SRGAP1: variants seen among roughly 807,000 people sequenced by gnomAD.
SRGAP1 encodes the protein SLIT-ROBO Rho GTPase-activating protein 1.
In SRGAP1, 43 loss-of-function variants were observed where a neutral mutation model predicts 121.9. The ratio of observed to expected loss-of-function variants is 0.35; its 90% CI spans 0.28 to 0.46. The LOEUF is 0.46. Ranked by LOEUF, SRGAP1 falls within the 20% of genes least tolerant of loss-of-function variation. The probability of loss-of-function intolerance (pLI) is 1.00; values close to 1 mark genes in which losing one functional copy is unlikely to be tolerated. For synonymous variants in SRGAP1, 447 were observed against 485.4 expected, an observed-to-expected ratio of 0.92 and a Z score of 1.04; for missense variants, 1,102 against 1,350.9, an observed-to-expected ratio of 0.82 and a Z score of 2.89.
intron 3 of SRGAP1, among the ~76,000 whole-genome samples, chr12:64,015,133 C>G (rs771840830): frequency 6.6e-6 from 1 of 152,118 alleles, no homozygotes; most frequent in Non-Finnish European, 1.5e-5. Context: ...TCTTTTTAGA[C>G]TTGCTACCTG....
chr12:64,095,114 C>A lies in SRGAP1; in HGVS notation c.1601-13C>A. On this transcript the variant is annotated splice_polypyrimidine_tract_variant and intron_variant, in intron 13 of 21. Coordinates refer to ENST00000355086, the MANE Select transcript of SRGAP1 (RefSeq NM_020762.4). The stretch of plus-strand genomic sequence containing the variant: ...ATGGGGGTTTTATCCTCTTTCCCTT[C>A]TTTTCTCTTTAGGTCTTCAGCATCA... 1 of 1,613,808 alleles carries A rather than the reference C, an allele frequency of 6.2e-7. No homozygotes were observed. Among genetic ancestry groups the A allele is most frequent in the Non-Finnish European group, 8.5e-7 (1 of 1,179,804 alleles).
At chr12:64,019,041 A>G (rs1325958936) in intron 4 of SRGAP1, among the ~76,000 whole-genome samples, 1 of 152,146 alleles carries the variant, frequency 6.6e-6, no homozygotes, top group Non-Finnish European at 1.5e-5. Context: ...TAATACCTTA[A>G]AAAAATAAGT....
At chr12:63,908,969 C>T (rs1451056819) in intron 1 of SRGAP1, among the ~76,000 whole-genome samples, 1 of 152,016 alleles carries the variant, frequency 6.6e-6, no homozygotes, top group Non-Finnish European at 1.5e-5. Flanking sequence ...TGGCTCACTC[C>T]AACCTCTGCC....
At chr12:63,964,976 A>C (rs1448949285) in intron 1 of SRGAP1, among the ~76,000 whole-genome samples, 1 of 152,232 alleles carries the variant, frequency 6.6e-6, no homozygotes, top group Admixed American at 6.5e-5. Flanking sequence ...CGGGGAAAAA[A>C]TACGAGCTTT....
intron 1 of SRGAP1, among the ~76,000 whole-genome samples, chr12:63,860,404 A>G (rs924402509): frequency 3.9e-5 from 6 of 152,158 alleles, no homozygotes; most frequent in African/African-American, 1.4e-4. Flanking sequence ...AGTGTTTGAA[A>G]TTAGTTGGAG....
At chr12:63,930,130 A>G (rs1325453923) in intron 1 of SRGAP1, among the ~76,000 whole-genome samples, 1 of 152,156 alleles carries the variant, frequency 6.6e-6, no homozygotes, top group Non-Finnish European at 1.5e-5. Flanking sequence ...CCATTTTCCT[A>G]AGAATTACTG....
At chr12:63,940,498 G>T (rs773729478) in intron 1 of SRGAP1, among the ~76,000 whole-genome samples, 30 of 152,002 alleles carry the variant, frequency 2.0e-4, no homozygotes, top group Non-Finnish European at 3.5e-4. Context: ...AGGGGGTGGG[G>T]GTTTGCTGTC....
intron 10 of SRGAP1, among the ~76,000 whole-genome samples, chr12:64,082,189 G>A (rs2035859856): frequency 6.6e-6 from 1 of 151,686 alleles, no homozygotes; most frequent in African/African-American, 2.4e-5. Context: ...GAAGTAGTGG[G>A]GGAATTCATT....
At chr12:64,137,985 A>T (rs1419056213) in intron 21 of SRGAP1, among the ~76,000 whole-genome samples, 2 of 145,126 alleles carry the variant, frequency 1.4e-5, no homozygotes, top group South Asian at 2.2e-4. Context: ...TATATATAAA[A>T]AATAATAAAA....
At chr12:63,942,428 T>A (rs1339090986) in intron 1 of SRGAP1, among the ~76,000 whole-genome samples, 1 of 152,200 alleles carries the variant, frequency 6.6e-6, no homozygotes, top group Non-Finnish European at 1.5e-5. Flanking sequence ...CCATCTTAAA[T>A]TATTTGGAAG....
chr12:64,074,727 G>T (rs1035032718), intron 8 of SRGAP1, among the ~76,000 whole-genome samples: 31 of 152,188 alleles, frequency 2.0e-4, no homozygotes, highest in Non-Finnish European at 2.5e-4. Flanking sequence ...AGAAATAACA[G>T]CATTTACTTT....
chr12:63,881,099 G>A (rs1441847449), intron 1 of SRGAP1, among the ~76,000 whole-genome samples: 1 of 152,224 alleles, frequency 6.6e-6, no homozygotes, highest in Admixed American at 6.5e-5. Context: ...CAACTGGAAA[G>A]TGTCAGGGCC....
rs1315101536 is a variant in SRGAP1, at chr12:64,156,927, A to G, written c.*14255A>G. On this transcript the variant is annotated 3_prime_UTR_variant, in exon 22 of 22. Transcript: ENST00000355086. Reference sequence around the variant, plus strand: ...GATAGGGGGAATAAGGCATAAAATTATCTGACCTGAGAGACCTTAACAGCT... The same window carrying G: ...GATAGGGGGAATAAGGCATAAAATTGTCTGACCTGAGAGACCTTAACAGCT... 5 of 152,310 alleles carry G rather than the reference A, an allele frequency of 3.3e-5. No homozygotes were observed. In the East Asian group the frequency reaches 9.6e-4, roughly 29 times the overall value. 9.4% of individuals were successfully genotyped at this position (152,310 alleles called of 1,614,324 possible).
intron 3 of SRGAP1, among the ~76,000 whole-genome samples, chr12:63,992,382 A>T (rs2033577510): frequency 6.6e-6 from 1 of 152,132 alleles, no homozygotes; most frequent in South Asian, 2.1e-4. Context: ...ATTCTTGAGG[A>T]AGCAAGAAAG....
At chr12:63,974,591 C>T (rs1159856145) in intron 1 of SRGAP1, among the ~76,000 whole-genome samples, 1 of 151,818 alleles carries the variant, frequency 6.6e-6, no homozygotes, top group African/African-American at 2.4e-5. Flanking sequence ...AATTCTGTTA[C>T]CCCTTAGATA....
chr12:64,077,212 T>C (rs1428805868), intron 8 of SRGAP1, among the ~76,000 whole-genome samples: 1 of 151,982 alleles, frequency 6.6e-6, no homozygotes, highest in Admixed American at 6.6e-5. Flanking sequence ...AACAGGAACA[T>C]AGAAGCCACA....
intron 4 of SRGAP1, among the ~76,000 whole-genome samples, chr12:64,029,468 AGT>A (rs2034726290): frequency 6.6e-6 from 1 of 152,204 alleles, no homozygotes. Flanking sequence ...GTCCATGTAC[AGT>A]GTTGGGCACC....
intron 1 of SRGAP1, among the ~76,000 whole-genome samples, chr12:63,966,195 A>C (rs1369856038): frequency 6.6e-6 from 1 of 152,224 alleles, no homozygotes; most frequent in Non-Finnish European, 1.5e-5. Context: ...AAAAATATAA[A>C]TTCTTGGGAA....
At chr12:63,962,379 C>G (rs149753124) in intron 1 of SRGAP1, among the ~76,000 whole-genome samples, 21 of 152,098 alleles carry the variant, frequency 1.4e-4, no homozygotes, top group African/African-American at 4.1e-4. Context: ...TAACTTTTCC[C>G]CTTGACCAAT....
Sources: allele counts gnomAD v4.1 joint callset (sites outside exome capture counted in the v4.1 genomes callset), GRCh38; gene constraint gnomAD v4.1.1; transcripts MANE v1.5; gene names NCBI Gene and HGNC (gene_info 2026-07-23, HGNC 2026-07-21).